ADAMTS12: variants seen among roughly 807,000 people sequenced by gnomAD.
ADAMTS12 encodes the protein ADAM metallopeptidase with thrombospondin type 1 motif 12.
ADAMTS12 carries 118 observed loss-of-function variants against 167.8 expected under a neutral mutation model. That is an observed-to-expected ratio of 0.70 (90% CI 0.61 to 0.82). ADAMTS12 has a LOEUF of 0.82. Ranked by LOEUF, ADAMTS12 falls within the 40% of genes least tolerant of loss-of-function variation. The pLI is 0.00. For missense variants in ADAMTS12, 1,916 were observed against 1,998.8 expected, an observed-to-expected ratio of 0.96 and a Z score of 0.79; for synonymous variants, 704 against 716.9, an observed-to-expected ratio of 0.98 and a Z score of 0.29.
chr5:33,593,522 G>A (rs1003052083), intron 17 of ADAMTS12, among the ~76,000 whole-genome samples: 3 of 152,148 alleles, frequency 2.0e-5, no homozygotes, highest in Non-Finnish European at 4.4e-5. Flanking sequence ...ATGGTTATGT[G>A]GAAACAGCTT....
chr5:33,751,668 A>T lies in ADAMTS12; in HGVS notation c.490-120T>A. The T allele has an allele frequency of 5.4e-6, 5 of 920,024 alleles. No individual in the cohort carries two copies. In the South Asian group the frequency reaches 8.6e-5, roughly 16 times the overall value. The allele number at this position is 920,024 out of a possible 1,614,324, so 57.0% of individuals were successfully genotyped here. On this transcript the variant is annotated intron_variant, in intron 2 of 23. Transcript: ENST00000504830. ...AAACTCCTAAGACCAGTGCTTTCAGAGTCTGCTGTTCGATCTCATAGAAGA... is the reference window on the plus strand; with the variant it reads ...AAACTCCTAAGACCAGTGCTTTCAGTGTCTGCTGTTCGATCTCATAGAAGA...
chr5:33,761,501 A>G (rs1273907359), intron 2 of ADAMTS12, among the ~76,000 whole-genome samples: 1 of 152,246 alleles, frequency 6.6e-6, no homozygotes, highest in Admixed American at 6.5e-5. Flanking sequence ...CAAGAGTCAC[A>G]GCAGAGAAAG....
intron 22 of ADAMTS12, among the ~76,000 whole-genome samples, chr5:33,542,869 T>C (rs1744775192): frequency 6.6e-6 from 1 of 152,080 alleles, no homozygotes. Context: ...AAGCAGCATG[T>C]AGAGGGAAAT....
chr5:33,576,562 A>G lies in ADAMTS12; in HGVS notation c.3464T>C (p.Ile1155Thr). The G allele has an allele frequency of 6.2e-7, 1 of 1,614,134 alleles. No individual in the cohort carries two copies. The highest frequency in any genetic ancestry group is 8.5e-7 in the Non-Finnish European group (1 of 1,179,996). The change falls in exon 19 of 24, where the codon ATT becomes ACT. Residue 1155 changes from isoleucine to threonine, a missense_variant. Transcript: ENST00000504830. ...NTLTKGPEME[I>T]HSGSGEEREQ... The stretch of plus-strand genomic sequence containing the variant: ...TCTTTCTTCCCCTGAGCCACTGTGA[A>G]TCTCCATTTCTGGACCTTTGGTCAA...
Position 33,881,393 on chromosome 5 carries a change from T to C in ADAMTS12, c.215A>G (p.His72Arg), listed in dbSNP as rs1289740906. The change falls in exon 2 of 24, where the codon CAC becomes CGC. Residue 72 changes from histidine to arginine, a missense_variant. By Grantham distance (29) the His-to-Arg change is conservative (BLOSUM62 0). Coordinates refer to ENST00000504830, the MANE Select transcript of ADAMTS12 (RefSeq NM_030955.4). The part of the protein sequence containing the change: ...ASGHFLSYGL[H>R]YPITSSRRKR... ...CCTCCTGCTGCTCGTGATGGGATAG[T>C]GCAAGCCATATGACAAAAAATGCCC... 5 of 1,614,090 alleles carry C rather than the reference T, an allele frequency of 3.1e-6. 1 individual carries two copies. The highest frequency in any genetic ancestry group is 3.3e-4 in the Middle Eastern group (2 of 6,060).
chr5:33,588,477 G>A, intron 18 of ADAMTS12, 122 bp downstream of exon 18: 1 of 1,132,466 alleles, frequency 8.8e-7, no homozygotes. Flanking sequence ...CAGGCCAGGG[G>A]TGATGAACAC....
At chr5:33,563,825 C>T (rs879465014) in intron 19 of ADAMTS12, among the ~76,000 whole-genome samples, 2 of 152,204 alleles carry the variant, frequency 1.3e-5, no homozygotes, top group Non-Finnish European at 2.9e-5. Context: ...ATGTGCCCGA[C>T]ACTCTTCTGA....
intron 2 of ADAMTS12, among the ~76,000 whole-genome samples, chr5:33,862,259 T>C (rs984332275): frequency 1.3e-5 from 2 of 151,828 alleles, no homozygotes; most frequent in African/African-American, 4.8e-5. Context: ...TTGAAAAGAT[T>C]AACAAAATAG....
At chr5:33,541,164 T>C (rs1372332537) in intron 22 of ADAMTS12, among the ~76,000 whole-genome samples, 1 of 152,176 alleles carries the variant, frequency 6.6e-6, no homozygotes, top group Non-Finnish European at 1.5e-5. Context: ...CTGAAAACCA[T>C]GGCATCAGAA....
intron 3 of ADAMTS12, among the ~76,000 whole-genome samples, chr5:33,740,761 G>A (rs577909892): frequency 7.9e-5 from 12 of 152,262 alleles, no homozygotes; most frequent in South Asian, 2.1e-4. Flanking sequence ...CAGTGGTAGC[G>A]GGATTGGAGC....
chr5:33,710,836 A>G (rs1333138071), intron 3 of ADAMTS12, among the ~76,000 whole-genome samples: 1 of 152,174 alleles, frequency 6.6e-6, no homozygotes, highest in African/African-American at 2.4e-5. Flanking sequence ...TCAAACATAG[A>G]AAAGAGCAAG....
At chr5:33,719,237 C>A (rs932581555) in intron 3 of ADAMTS12, among the ~76,000 whole-genome samples, 1 of 151,992 alleles carries the variant, frequency 6.6e-6, no homozygotes, top group Non-Finnish European at 1.5e-5. Context: ...AAAATATATG[C>A]CACAGAGAAG....
At chr5:33,571,111 C>T (rs915757755) in intron 19 of ADAMTS12, among the ~76,000 whole-genome samples, 2 of 152,234 alleles carry the variant, frequency 1.3e-5, no homozygotes, top group South Asian at 4.2e-4. Context: ...CCTGAGTGAC[C>T]TACAAAGAGA....
At chr5:33,714,813 G>A (rs1330465107) in intron 3 of ADAMTS12, among the ~76,000 whole-genome samples, 1 of 152,022 alleles carries the variant, frequency 6.6e-6, no homozygotes, top group Admixed American at 6.6e-5. Flanking sequence ...GGAAGGCAGA[G>A]TATGAAGAGA....
chr5:33,649,592 C>G lies in ADAMTS12; in HGVS notation c.1296G>C (p.Trp432Cys). Residue 432 changes from tryptophan (W) to cysteine (C), a missense_variant, in exon 8 of 24, where the codon TGG (tryptophan) becomes TGC (cysteine). Trp to Cys is a radical substitution (Grantham distance 215). Coordinates refer to ENST00000504830, the MANE Select transcript of ADAMTS12 (RefSeq NM_030955.4). Reference protein sequence around the residue: ...QLQYDPTPLTWSKCSEEYITR... With the variant: ...QLQYDPTPLTCSKCSEEYITR... Reference sequence around the variant, plus strand: ...TGATGTACTCCTCGCTGCACTTGGACCATGTCAGCGGAGTGGGATCGTACT... The same window carrying G: ...TGATGTACTCCTCGCTGCACTTGGAGCATGTCAGCGGAGTGGGATCGTACT... 1 of 1,613,994 alleles carries G rather than the reference C, an allele frequency of 6.2e-7. No homozygotes were observed. The highest frequency in any genetic ancestry group is 8.5e-7 in the Non-Finnish European group (1 of 1,179,894).
intron 2 of ADAMTS12, among the ~76,000 whole-genome samples, chr5:33,845,092 A>G (rs988454805): frequency 6.6e-6 from 1 of 152,250 alleles, no homozygotes; most frequent in Non-Finnish European, 1.5e-5. Flanking sequence ...GTATATTAGT[A>G]TATAGATACA....
chr5:33,573,922 G>A (rs529818497), intron 19 of ADAMTS12, among the ~76,000 whole-genome samples: 15 of 152,110 alleles, frequency 9.9e-5, no homozygotes, highest in South Asian at 4.1e-4. Flanking sequence ...CAACCCCATC[G>A]AAAAGTGGGC....
intron 16 of ADAMTS12, among the ~76,000 whole-genome samples, chr5:33,606,686 C>A (rs1738453836): frequency 6.6e-6 from 1 of 152,186 alleles, no homozygotes; most frequent in Non-Finnish European, 1.5e-5. Context: ...CAGCAATGGA[C>A]ACAAACCATT....
At chr5:33,609,485 C>T (rs1738617961) in intron 16 of ADAMTS12, among the ~76,000 whole-genome samples, 1 of 151,700 alleles carries the variant, frequency 6.6e-6, no homozygotes, top group Non-Finnish European at 1.5e-5. Flanking sequence ...ATCCTCATGC[C>T]TCAGCCCCCA....
Sources: allele counts gnomAD v4.1 joint callset (sites outside exome capture counted in the v4.1 genomes callset), GRCh38; gene constraint gnomAD v4.1.1; transcripts MANE v1.5; gene names NCBI Gene and HGNC (gene_info 2026-07-23, HGNC 2026-07-21).